Variants in NRXN1 observed in about 807,000 individuals in gnomAD.
NRXN1 encodes neurexin 1, also known as neurexin-1.
A neutral mutation model predicts 150.9 loss-of-function variants in NRXN1; 39 were observed. The ratio of observed to expected loss-of-function variants is 0.26; its 90% CI spans 0.20 to 0.34. The LOEUF is 0.34. Among genes scored for constraint, NRXN1 ranks in the 10% least tolerant of loss-of-function variants. The pLI, the probability that NRXN1 is intolerant of heterozygous loss-of-function variation, is 1.00. For synonymous variants in NRXN1, 924 were observed against 757.0 expected, an observed-to-expected ratio of 1.22 and a Z score of -3.62; for missense variants, 1,815 against 1,949.9, an observed-to-expected ratio of 0.93 and a Z score of 1.30.
rs537409691 is a variant in NRXN1, at chr2:50,524,404, G to A, written c.2374+4221C>T. On this transcript the variant is annotated intron_variant, in intron 12 of 22. Coordinates refer to ENST00000401669, the MANE Select transcript of NRXN1 (RefSeq NM_001330078.2). ...TGAGGTAGGAGAACTGCTTGAATCT[G>A]GGAGGCGGAGGTTTCAGAGAGCTGA... 2.8e-3 allele frequency among the ~76,000 whole-genome samples: 430 copies of A among 152,010 alleles called. 5 individuals are homozygous for A. The highest frequency in any genetic ancestry group is 5.0e-3 in the Non-Finnish European group (340 of 67,972).
intron 1 of NRXN1, among the ~76,000 whole-genome samples, chr2:51,030,926 A>G (rs757243027): frequency 6.6e-6 from 1 of 151,208 alleles, no homozygotes; most frequent in Non-Finnish European, 1.5e-5. Flanking sequence ...CAATTATTGT[A>G]TTAATTAATG....
intron 21 of NRXN1, among the ~76,000 whole-genome samples, chr2:49,976,010 C>T (rs912730221): frequency 1.5e-4 from 20 of 137,320 alleles, no homozygotes; most frequent in South Asian, 2.3e-4. Context: ...ATTGCATATG[C>T]GGAAGAATTT....
chr2:50,337,325 T>C (rs1223819802), intron 17 of NRXN1, among the ~76,000 whole-genome samples: 2 of 152,098 alleles, frequency 1.3e-5, no homozygotes, highest in African/African-American at 4.8e-5. Context: ...CCTCAAATGA[T>C]CTGCTCGCCT....
chr2:50,928,383 A>G (rs1222704825), intron 2 of NRXN1, among the ~76,000 whole-genome samples: 1 of 151,932 alleles, frequency 6.6e-6, no homozygotes, highest in Non-Finnish European at 1.5e-5. Context: ...CTTCCATTCT[A>G]TTCTATTCTG....
chr2:50,039,168 C>T (rs916435744), intron 21 of NRXN1, among the ~76,000 whole-genome samples: 1 of 152,030 alleles, frequency 6.6e-6, no homozygotes, highest in East Asian at 1.9e-4. Flanking sequence ...CAAAGCAAGA[C>T]TCCATCTCAA....
chr2:50,533,912 C>A (rs2093184819), intron 10 of NRXN1, among the ~76,000 whole-genome samples: 1 of 152,102 alleles, frequency 6.6e-6, no homozygotes, highest in Admixed American at 6.6e-5. Context: ...AATATATATT[C>A]ATCATTTCAC....
At chr2:50,252,809 T>C (rs993256713) in intron 17 of NRXN1, among the ~76,000 whole-genome samples, 1 of 152,198 alleles carries the variant, frequency 6.6e-6, no homozygotes, top group African/African-American at 2.4e-5. Flanking sequence ...GTTTGGTTAC[T>C]GTAGCCTTGT....
intron 22 of NRXN1, among the ~76,000 whole-genome samples, chr2:49,931,539 T>C (rs950547909): frequency 6.6e-6 from 1 of 151,934 alleles, no homozygotes; most frequent in African/African-American, 2.4e-5. Context: ...TTCAGAGTAG[T>C]TGTAGAAATT....
chr2:50,214,898 C>T (rs796932687), intron 18 of NRXN1, among the ~76,000 whole-genome samples: 24 of 151,978 alleles, frequency 1.6e-4, no homozygotes, highest in African/African-American at 5.5e-4. Flanking sequence ...ATTATTATCT[C>T]GACTTTATAA....
Position 50,877,529 on chromosome 2 carries a change from G to T in NRXN1, c.832+44340C>A, listed in dbSNP as rs116693732. ...TTAAAGTGATTCCTTCTTTCTTTGA[G>T]TTCTTTATGCTTTAGTCATTTACAA... is the stretch of plus-strand genomic sequence containing the variant. On this transcript the variant is annotated intron_variant, in intron 5 of 22. Transcript: ENST00000401669. Among the ~76,000 whole-genome samples, 1,339 of 151,864 alleles carry T rather than the reference G, an allele frequency of 8.8e-3. 24 individuals carry two copies. The highest frequency in any genetic ancestry group is 0.03 in the African/African-American group (1,251 of 41,462).
At chr2:50,128,597 T>C (rs1414799152) in intron 18 of NRXN1, among the ~76,000 whole-genome samples, 1 of 152,192 alleles carries the variant, frequency 6.6e-6, no homozygotes, top group African/African-American at 2.4e-5. Flanking sequence ...CTCACTGGAA[T>C]TGCTGAATAC....
In NRXN1 at chr2:50,718,644, T is replaced by C. The variant is rs1696180962; in HGVS notation, c.833-95029A>G. ...CTCACTAATTGCAGTATGAGGAAAATAAGAGCCCTTCTGCAGAGTTTCCAG... is the reference window on the plus strand; with the variant it reads ...CTCACTAATTGCAGTATGAGGAAAACAAGAGCCCTTCTGCAGAGTTTCCAG... On this transcript the variant is annotated intron_variant, in intron 5 of 22. Coordinates refer to ENST00000401669, the MANE Select transcript of NRXN1 (RefSeq NM_001330078.2). Among the ~76,000 whole-genome samples the C allele has an allele frequency of 1.3e-5, 2 of 152,118 alleles. 1 individual carries two copies. The highest frequency in any genetic ancestry group is 2.9e-5 in the Non-Finnish European group (2 of 68,020).
At chr2:50,714,814 A>G (rs907394305) in intron 5 of NRXN1, among the ~76,000 whole-genome samples, 1 of 152,204 alleles carries the variant, frequency 6.6e-6, no homozygotes, top group African/African-American at 2.4e-5. Context: ...CACCAGTATG[A>G]GCAGGATAAT....
intron 10 of NRXN1, among the ~76,000 whole-genome samples, chr2:50,534,854 T>C (rs918876775): frequency 6.6e-6 from 1 of 152,116 alleles, no homozygotes; most frequent in Admixed American, 6.6e-5. Flanking sequence ...AGGGGGCACC[T>C]CCTTTAAGAA....
chr2:50,809,034 G>A (rs1434579479), intron 5 of NRXN1, among the ~76,000 whole-genome samples: 2 of 152,070 alleles, frequency 1.3e-5, no homozygotes, highest in Non-Finnish European at 2.9e-5. Flanking sequence ...CACAGCTTAA[G>A]TACTTTCCGT....
chr2:50,941,013 T>C (rs533833603), intron 2 of NRXN1, among the ~76,000 whole-genome samples: 31 of 152,274 alleles, frequency 2.0e-4, no homozygotes, highest in Admixed American at 1.1e-3. Context: ...TGGGAGGTGA[T>C]TGAATCACAG....
At chr2:50,139,355 A>T (rs533134316) in intron 18 of NRXN1, among the ~76,000 whole-genome samples, 62 of 150,674 alleles carry the variant, frequency 4.1e-4, no homozygotes, top group African/African-American at 1.3e-3. Flanking sequence ...AAGGTACTGC[A>T]TGGGCCATCA....
chr2:50,932,160 AGT>A (rs1687845647), intron 2 of NRXN1, among the ~76,000 whole-genome samples: 1 of 152,060 alleles, frequency 6.6e-6, no homozygotes, highest in African/African-American at 2.4e-5. Flanking sequence ...GGCTGAGGAA[AGT>A]GGATCACTTG....
intron 21 of NRXN1, among the ~76,000 whole-genome samples, chr2:50,006,273 C>A (rs1684754858): frequency 1.3e-5 from 2 of 152,132 alleles, no homozygotes; most frequent in Non-Finnish European, 2.9e-5. Context: ...TGAACTACCG[C>A]ACTTGCTTCC....
Sources: gnomAD v4.1 joint callset for allele counts (sites outside exome capture counted in the v4.1 genomes callset) on GRCh38, gnomAD v4.1.1 for gene constraint, MANE v1.5 for transcripts, NCBI Gene and HGNC (gene_info 2026-07-23, HGNC 2026-07-21) for gene names.